Variants in ULK4 observed in about 807,000 individuals in gnomAD.
ULK4 encodes inactive serine/threonine-protein kinase ULK4.
Under a neutral mutation model 160.6 loss-of-function variants are expected in ULK4, and 133 were observed. The ratio of observed to expected loss-of-function variants is 0.83; its 90% CI spans 0.72 to 0.96. The LOEUF is 0.96. Among genes scored for constraint, ULK4 ranks in the 40% least tolerant of loss-of-function variants. ULK4 has a pLI of 0.00. For missense variants in ULK4, 1,580 were observed against 1,499.5 expected (o/e 1.05, Z -0.89); for synonymous variants, 534 against 539.8 (o/e 0.99, Z 0.15).
chr3:41,327,759 C>A (rs547438197), intron 35 of ULK4, among the ~76,000 whole-genome samples: 4 of 152,122 alleles, frequency 2.6e-5, no homozygotes, highest in Admixed American at 6.5e-5. Flanking sequence ...GCCCCAGCAA[C>A]CCAAACTATA....
chr3:41,662,470 C>T (rs2035211366), intron 30 of ULK4, among the ~76,000 whole-genome samples: 1 of 152,176 alleles, frequency 6.6e-6, no homozygotes, highest in South Asian at 2.1e-4. Flanking sequence ...TGTGCCCTGA[C>T]ACACCCACTG....
chr3:41,425,683 C>CT (rs2082761956), intron 34 of ULK4, among the ~76,000 whole-genome samples: 1 of 152,080 alleles, frequency 6.6e-6, no homozygotes, highest in South Asian at 2.1e-4. Flanking sequence ...CCAGACTAAG[C>CT]TCATAAGTTA....
intron 35 of ULK4, among the ~76,000 whole-genome samples, chr3:41,316,105 T>C (rs2080137968): frequency 6.6e-6 from 1 of 152,150 alleles, no homozygotes; most frequent in South Asian, 2.1e-4. Flanking sequence ...TATAGAAGCA[T>C]TATTAATAAT....
At chr3:41,809,781 T>C (rs1317996857) in intron 19 of ULK4, among the ~76,000 whole-genome samples, 4 of 152,218 alleles carry the variant, frequency 2.6e-5, no homozygotes, top group Non-Finnish European at 5.9e-5. Context: ...ATAATCTTTT[T>C]TCAATAATTT....
At chr3:41,683,343 C>T (rs1326662239) in intron 27 of ULK4, among the ~76,000 whole-genome samples, 1 of 151,902 alleles carries the variant, frequency 6.6e-6, no homozygotes, top group Non-Finnish European at 1.5e-5. Flanking sequence ...CATTGAGAGC[C>T]CAAGAACTCA....
intron 35 of ULK4, among the ~76,000 whole-genome samples, chr3:41,338,617 A>C (rs1463577180): frequency 3.3e-5 from 5 of 152,154 alleles, no homozygotes; most frequent in Admixed American, 1.3e-4. Flanking sequence ...GAAGCTCTCC[A>C]GTCCCTAGTT....
chr3:41,861,603 T>C (rs1400424329), intron 17 of ULK4, among the ~76,000 whole-genome samples: 3 of 152,160 alleles, frequency 2.0e-5, no homozygotes, highest in Non-Finnish European at 4.4e-5. Context: ...AGGAGTTTGA[T>C]TATTAAATGC....
At chr3:41,797,676 A>G (rs886385103) in intron 20 of ULK4, among the ~76,000 whole-genome samples, 8 of 152,138 alleles carry the variant, frequency 5.3e-5, no homozygotes, top group African/African-American at 1.9e-4. Context: ...CCTGGCCAAC[A>G]TGGTGAAACC....
intron 35 of ULK4, among the ~76,000 whole-genome samples, chr3:41,300,846 T>C (rs1219437494): frequency 3.2e-5 from 2 of 62,950 alleles, no homozygotes; most frequent in African/African-American, 1.5e-4. Flanking sequence ...ATTATATATA[T>C]ATATATATAT....
At chr3:41,874,273 A>C (rs1291096113) in intron 17 of ULK4, among the ~76,000 whole-genome samples, 1 of 152,182 alleles carries the variant, frequency 6.6e-6, no homozygotes, top group East Asian at 1.9e-4. Context: ...AGTGGAGCAC[A>C]TAATATCACA....
chr3:41,570,838 G>A (rs747798555), intron 31 of ULK4, among the ~76,000 whole-genome samples: 2 of 152,068 alleles, frequency 1.3e-5, no homozygotes, highest in African/African-American at 4.8e-5. Flanking sequence ...CCCCTGCCTG[G>A]AGATCCCAGA....
chr3:41,255,692 G>A (rs1454181274), intron 35 of ULK4, among the ~76,000 whole-genome samples: 2 of 141,116 alleles, frequency 1.4e-5, no homozygotes, highest in African/African-American at 4.9e-5. Flanking sequence ...CTAAATTTGT[G>A]TGCTCCTGAT....
intron 17 of ULK4, among the ~76,000 whole-genome samples, chr3:41,871,282 A>G (rs1034336775): frequency 4.6e-5 from 7 of 152,236 alleles, no homozygotes; most frequent in African/African-American, 1.7e-4. Flanking sequence ...TTGGGTATCA[A>G]TAGTTCATTT....
chr3:41,286,059 CT>C (rs1175159833), intron 35 of ULK4, among the ~76,000 whole-genome samples: 1 of 152,136 alleles, frequency 6.6e-6, no homozygotes, highest in Non-Finnish European at 1.5e-5. Flanking sequence ...TGCCTTAAAG[CT>C]TTCCTCAATA....
At chr3:41,683,288 A>G (rs1441593015) in intron 27 of ULK4, among the ~76,000 whole-genome samples, 1 of 152,106 alleles carries the variant, frequency 6.6e-6, no homozygotes, top group Non-Finnish European at 1.5e-5. Context: ...GGAGGCTCCA[A>G]TGAAGCCTCG....
At chr3:41,419,465 G>C (rs1203904629) in intron 34 of ULK4, among the ~76,000 whole-genome samples, 4 of 152,152 alleles carry the variant, frequency 2.6e-5, no homozygotes, top group African/African-American at 9.7e-5. Flanking sequence ...GACAGGTCAT[G>C]GCTAAAGATA....
intron 34 of ULK4, among the ~76,000 whole-genome samples, chr3:41,442,820 T>C (rs1011101377): frequency 6.6e-6 from 1 of 152,194 alleles, no homozygotes; most frequent in East Asian, 1.9e-4. Context: ...AAATTTAATA[T>C]TTATTTAGTA....
intron 34 of ULK4, among the ~76,000 whole-genome samples, chr3:41,436,635 C>T (rs1037191590): frequency 5.3e-5 from 8 of 152,172 alleles, no homozygotes; most frequent in African/African-American, 1.9e-4. Context: ...ATCAGCTGTA[C>T]TGGGTTATTG....
intron 21 of ULK4, among the ~76,000 whole-genome samples, chr3:41,755,043 A>G (rs2038753824): frequency 6.6e-6 from 1 of 152,254 alleles, no homozygotes. Context: ...CTAAGTATTG[A>G]CAAGGAATAG....
Sources: gnomAD v4.1 joint callset for allele counts (sites outside exome capture counted in the v4.1 genomes callset) on GRCh38, gnomAD v4.1.1 for gene constraint, MANE v1.5 for transcripts, NCBI Gene and HGNC (gene_info 2026-07-23, HGNC 2026-07-21) for gene names.